ADGRB3: variants seen among roughly 807,000 people sequenced by gnomAD.
The protein encoded by ADGRB3 is adhesion G protein-coupled receptor B3, also known as brain-specific angiogenesis inhibitor 3.
ADGRB3 carries 37 observed loss-of-function variants against 193.4 expected under a neutral mutation model. The observed-to-expected ratio is 0.19, with a 90% CI of 0.15 to 0.25. The LOEUF is 0.25. Among genes scored for constraint, ADGRB3 ranks in the 10% least tolerant of loss-of-function variants. The probability of loss-of-function intolerance (pLI) is 1.00; values close to 1 mark genes in which losing one functional copy is unlikely to be tolerated. For missense variants in ADGRB3, 1,637 were observed against 1,852.9 expected, an observed-to-expected ratio of 0.88 and a Z score of 2.14; for synonymous variants, 690 against 644.2, an observed-to-expected ratio of 1.07 and a Z score of -1.08.
At chr6:68,810,218 G>A (rs1004320443) in intron 3 of ADGRB3, among the ~76,000 whole-genome samples, 1 of 152,106 alleles carries the variant, frequency 6.6e-6, no homozygotes, top group Non-Finnish European at 1.5e-5. Context: ...GCTGCTTTGG[G>A]AAGCTGTGAT....
At chr6:68,772,892 AAAATATATATATATAT>A (rs1290104746) in intron 3 of ADGRB3, among the ~76,000 whole-genome samples, 805 of 30,542 alleles carry the variant, frequency 0.026, 27 homozygotes, top group African/African-American at 0.1. Flanking sequence ...CAAAAAAAAA[AAAATATATATATATAT>A]ATATATATAT....
In ADGRB3 at chr6:68,817,882, C is replaced by A. The variant is rs551837224; in HGVS notation, c.758-112677C>A. ...CCATTTTTCTTGCCAGCTTCTTGCT[C>A]ATTTCTGTAAAATAACTTGTGTTCA... On this transcript the variant is annotated intron_variant, in intron 3 of 31. Coordinates refer to ENST00000370598, the MANE Select transcript of ADGRB3 (RefSeq NM_001704.3). 4.0e-4 allele frequency among the ~76,000 whole-genome samples: 61 copies of A among 152,172 alleles called. 1 individual carries two copies. The South Asian group carries it at 0.012, about 31-fold the overall frequency.
chr6:68,791,593 G>A (rs1023533911), intron 3 of ADGRB3, among the ~76,000 whole-genome samples: 1 of 152,106 alleles, frequency 6.6e-6, no homozygotes, highest in Non-Finnish European at 1.5e-5. Context: ...ACTTCTAACT[G>A]TGTAATTTTA....
intron 26 of ADGRB3, among the ~76,000 whole-genome samples, chr6:69,348,729 C>T (rs1561995214): frequency 6.6e-6 from 1 of 151,958 alleles, no homozygotes; most frequent in Non-Finnish European, 1.5e-5. Flanking sequence ...TTTCACCTTT[C>T]TCTCCTTGCC....
At chr6:68,925,534 T>C (rs568513820) in intron 3 of ADGRB3, among the ~76,000 whole-genome samples, 2 of 152,148 alleles carry the variant, frequency 1.3e-5, no homozygotes, top group East Asian at 3.9e-4. Flanking sequence ...ATTTTAATAT[T>C]CTTTCTTGTT....
intron 17 of ADGRB3, among the ~76,000 whole-genome samples, chr6:69,215,329 T>C (rs1265580999): frequency 6.6e-6 from 1 of 152,180 alleles, no homozygotes; most frequent in Admixed American, 6.5e-5. Flanking sequence ...TATTTTTACA[T>C]TTTATGTCTA....
intron 20 of ADGRB3, 33 bp from the exon 21 acceptor site, chr6:69,324,839 A>G (rs1389190861): frequency 6.2e-7 from 1 of 1,610,204 alleles, no homozygotes; most frequent in South Asian, 1.1e-5. Flanking sequence ...TCCCAGGTTC[A>G]GTGTGAGTCT....
At chr6:68,881,861 G>T (rs1406841831) in intron 3 of ADGRB3, among the ~76,000 whole-genome samples, 1 of 152,158 alleles carries the variant, frequency 6.6e-6, no homozygotes, top group African/African-American at 2.4e-5. Context: ...CCATACAAGA[G>T]TCGACAAAAT....
chr6:69,347,194 C>T (rs566095723), intron 26 of ADGRB3, among the ~76,000 whole-genome samples: 1 of 152,108 alleles, frequency 6.6e-6, no homozygotes, highest in African/African-American at 2.4e-5. Flanking sequence ...GCATCACACA[C>T]CAGGGCCTGT....
intron 31 of ADGRB3, among the ~76,000 whole-genome samples, chr6:69,384,341 C>T (rs1770016498): frequency 6.6e-6 from 1 of 152,056 alleles, no homozygotes; most frequent in Non-Finnish European, 1.5e-5. Context: ...TCCTCTTCTA[C>T]TCCTCCTGAT....
At chr6:69,066,078 A>T (rs1005671760) in intron 16 of ADGRB3, among the ~76,000 whole-genome samples, 2 of 151,824 alleles carry the variant, frequency 1.3e-5, no homozygotes, top group Non-Finnish European at 2.9e-5. Context: ...TGGTATCTGC[A>T]AGGGGTTCTG....
intron 3 of ADGRB3, among the ~76,000 whole-genome samples, chr6:68,743,981 T>C (rs1046127677): frequency 6.6e-6 from 1 of 151,920 alleles, no homozygotes; most frequent in African/African-American, 2.4e-5. Flanking sequence ...TAAAACACAA[T>C]ATATGTATAT....
At chr6:69,263,621 G>T (rs1766974481) in intron 20 of ADGRB3, among the ~76,000 whole-genome samples, 1 of 151,980 alleles carries the variant, frequency 6.6e-6, no homozygotes, top group African/African-American at 2.4e-5. Context: ...TTTGAAAACT[G>T]CAGCCCTTGA....
At chr6:69,198,636 A>G (rs1765348825) in intron 17 of ADGRB3, among the ~76,000 whole-genome samples, 2 of 152,098 alleles carry the variant, frequency 1.3e-5, no homozygotes, top group South Asian at 4.1e-4. Context: ...TTCAACAGAA[A>G]GAAAGCAAAT....
intron 17 of ADGRB3, among the ~76,000 whole-genome samples, chr6:69,117,041 T>G (rs1275382611): frequency 6.6e-6 from 1 of 152,172 alleles, no homozygotes; most frequent in East Asian, 1.9e-4. Flanking sequence ...TTTTGTCTTA[T>G]TACAAAAGTA....
chr6:68,910,176 A>G (rs1766660734), intron 3 of ADGRB3, among the ~76,000 whole-genome samples: 1 of 152,048 alleles, frequency 6.6e-6, no homozygotes, highest in Non-Finnish European at 1.5e-5. Context: ...GCATTTTTTC[A>G]TGTGTCTTTT....
intron 3 of ADGRB3, among the ~76,000 whole-genome samples, chr6:68,787,862 T>A (rs1767009048): frequency 6.6e-6 from 1 of 152,220 alleles, no homozygotes; most frequent in South Asian, 2.1e-4. Context: ...GAGATTCAAC[T>A]TCTTCCTGGT....
intron 17 of ADGRB3, among the ~76,000 whole-genome samples, chr6:69,094,093 TG>T (rs1772794936): frequency 6.6e-6 from 1 of 151,952 alleles, no homozygotes; most frequent in Admixed American, 6.6e-5. Context: ...GGAGGCAAGG[TG>T]AAGAGAGGTG....
chr6:68,894,015 T>C (rs1029696697), intron 3 of ADGRB3, among the ~76,000 whole-genome samples: 4 of 151,962 alleles, frequency 2.6e-5, no homozygotes, highest in Admixed American at 2.6e-4. Flanking sequence ...TATATTTTAA[T>C]AATATAAAGT....
Sources: gnomAD v4.1 joint callset for allele counts (sites outside exome capture counted in the v4.1 genomes callset) on GRCh38, gnomAD v4.1.1 for gene constraint, MANE v1.5 for transcripts, NCBI Gene and HGNC (gene_info 2026-07-23, HGNC 2026-07-21) for gene names.